Variants in RBFOX1 observed in about 807,000 individuals in gnomAD.
The protein encoded by RBFOX1 is RNA binding fox-1 homolog 1.
In RBFOX1, 8 loss-of-function variants were observed where a neutral mutation model predicts 57.7. That is an observed-to-expected ratio of 0.14 (90% CI 0.08 to 0.25). The LOEUF is 0.25. RBFOX1 is among the 10% of genes least tolerant of loss of function. RBFOX1 has a pLI of 1.00. For missense variants in RBFOX1, 611 were observed against 548.5 expected (o/e 1.11, Z -1.14); for synonymous variants, 326 against 222.4 (o/e 1.47, Z -4.15).
At chr16:6,018,824 C>T (rs535957114), upstream of RBFOX1, among the ~76,000 whole-genome samples, 1 of 152,128 alleles carries the variant, frequency 6.6e-6, no homozygotes, top group Admixed American at 6.5e-5. Context: ...ACTACCAGGA[C>T]GAGGACGGGC....
chr16:5,979,634 C>G lies in RBFOX1; in HGVS notation c.351+112299C>G, dbSNP rs141365040. Among the ~76,000 whole-genome samples the G allele has an allele frequency of 2.7e-4, 41 of 152,228 alleles. 1 individual carries two copies. Among genetic ancestry groups the G allele is most frequent in the African/African-American group, 9.1e-4 (38 of 41,544 alleles). On this transcript the variant is annotated intron_variant, in intron 4 of 19. Coordinates refer to the RBFOX1 transcript ENST00000641259. ...ATCTCAGCACTTTGGGAGTACGACGCAGATGGATCACGAAGTCAAGAGATC... is the reference window on the plus strand; with the variant it reads ...ATCTCAGCACTTTGGGAGTACGACGGAGATGGATCACGAAGTCAAGAGATC...
chr16:5,929,051 A>C (rs1597829404), intron 4 of RBFOX1, among the ~76,000 whole-genome samples: 1 of 150,608 alleles, frequency 6.6e-6, no homozygotes. Context: ...AAAAAAAAAA[A>C]GGAAAGAAAA....
rs946958680 is a variant in RBFOX1, at chr16:6,540,920, T to C, written c.-63-113683T>C. Among the ~76,000 whole-genome samples, 7 of 152,252 alleles carry C rather than the reference T, an allele frequency of 4.6e-5. No individual in the cohort carries two copies. In the East Asian group the frequency reaches 9.7e-4, roughly 21 times the overall value. On this transcript the variant is annotated intron_variant, in intron 2 of 15. Transcript: ENST00000550418. ...ATGTCGTTTCTCTGACTTCTTGGAG[T>C]TGAGGTCTGGGATTATCTGCTATCA...
At chr16:6,785,048 A>T (rs2081697560) in intron 3 of RBFOX1, among the ~76,000 whole-genome samples, 2 of 152,170 alleles carry the variant, frequency 1.3e-5, no homozygotes, top group Admixed American at 1.3e-4. Flanking sequence ...TAGGCATTTA[A>T]CATAAAAGAG....
At chr16:7,068,917 G>C (rs1451537921) in intron 4 of RBFOX1, among the ~76,000 whole-genome samples, 1 of 152,172 alleles carries the variant, frequency 6.6e-6, no homozygotes, top group Non-Finnish European at 1.5e-5. Flanking sequence ...TGATAGTTCT[G>C]TTGATTTCTA....
chr16:7,058,919 C>A (rs963144439), intron 4 of RBFOX1, among the ~76,000 whole-genome samples: 1 of 152,096 alleles, frequency 6.6e-6, no homozygotes, highest in Non-Finnish European at 1.5e-5. Flanking sequence ...GATTGTGATA[C>A]TGGAATGCAA....
intron 1 of RBFOX1, among the ~76,000 whole-genome samples, chr16:5,335,686 G>A (rs913321248): frequency 6.6e-6 from 1 of 152,086 alleles, no homozygotes; most frequent in African/African-American, 2.4e-5. Flanking sequence ...TGTGGGGGTG[G>A]GAAGGATTTC....
chr16:6,872,140 C>A (rs1410664573), intron 3 of RBFOX1, among the ~76,000 whole-genome samples: 2 of 152,100 alleles, frequency 1.3e-5, no homozygotes, highest in African/African-American at 4.8e-5. Flanking sequence ...GCTTTCTTTT[C>A]CACCAAATGG....
chr16:6,651,196 C>G (rs1002816119), intron 2 of RBFOX1, among the ~76,000 whole-genome samples: 27 of 152,116 alleles, frequency 1.8e-4, no homozygotes, highest in Admixed American at 1.2e-3. Flanking sequence ...GCCACCACAC[C>G]CGGCCTGGAA....
chr16:6,843,414 C>A, intron 3 of RBFOX1, among the ~76,000 whole-genome samples: 1 of 152,084 alleles, frequency 6.6e-6, no homozygotes, highest in Non-Finnish European at 1.5e-5. Flanking sequence ...TTTGGCCAGA[C>A]ATGGTGGCTT....
chr16:7,382,391 T>C (rs60207761), intron 4 of RBFOX1, among the ~76,000 whole-genome samples: 2,307 of 152,374 alleles, frequency 0.015, 61 homozygotes, highest in African/African-American at 0.053. Context: ...ATATTTTTCA[T>C]ATCTTTTCTA....
chr16:5,287,718 C>T (rs568884152), intron 1 of RBFOX1, among the ~76,000 whole-genome samples: 12 of 152,200 alleles, frequency 7.9e-5, no homozygotes, highest in South Asian at 6.2e-4. Flanking sequence ...CAGGAGTGAG[C>T]GAGCACAAAT....
chr16:7,709,600 C>G (rs766218338), intron 15 of RBFOX1: 1 of 1,531,226 alleles, frequency 6.5e-7, no homozygotes, highest in Non-Finnish European at 8.7e-7. Flanking sequence ...TCCCCTATTA[C>G]AATTCATGTT....
intron 3 of RBFOX1, among the ~76,000 whole-genome samples, chr16:5,848,353 T>C (rs1399653756): frequency 6.6e-6 from 1 of 152,120 alleles, no homozygotes; most frequent in African/African-American, 2.4e-5. Flanking sequence ...TGGCTCTGGA[T>C]CTCTGGTCTC....
At chr16:5,738,046 C>G (rs1165729278) in intron 3 of RBFOX1, among the ~76,000 whole-genome samples, 1 of 151,496 alleles carries the variant, frequency 6.6e-6, no homozygotes, top group Admixed American at 6.6e-5. Flanking sequence ...TGATGTTCCC[C>G]TTCCCTGTGT....
chr16:6,767,050 G>A (rs1489077618), intron 3 of RBFOX1, among the ~76,000 whole-genome samples: 1 of 152,096 alleles, frequency 6.6e-6, no homozygotes, highest in African/African-American at 2.4e-5. Flanking sequence ...AATAATCATT[G>A]TTTTCATCTA....
intron 3 of RBFOX1, among the ~76,000 whole-genome samples, chr16:6,944,595 G>C (rs1040669294): frequency 1.3e-5 from 2 of 152,022 alleles, no homozygotes; most frequent in African/African-American, 4.8e-5. Context: ...GGGTCTCGTA[G>C]ATCTCAGGTG....
At chr16:6,800,202 C>A (rs974904465) in intron 3 of RBFOX1, among the ~76,000 whole-genome samples, 1 of 145,884 alleles carries the variant, frequency 6.9e-6, no homozygotes, top group Non-Finnish European at 1.5e-5. Context: ...ACAAGTCTTG[C>A]TGTTTTCCTG....
chr16:5,691,547 A>G (rs1444300271), intron 3 of RBFOX1, among the ~76,000 whole-genome samples: 3 of 152,238 alleles, frequency 2.0e-5, no homozygotes, highest in African/African-American at 7.2e-5. Context: ...GCCTAGGACT[A>G]GAAGTTTTCA....
Sources: allele counts gnomAD v4.1 joint callset (sites outside exome capture counted in the v4.1 genomes callset), GRCh38; gene constraint gnomAD v4.1.1; transcripts MANE v1.5; gene names NCBI Gene and HGNC (gene_info 2026-07-23, HGNC 2026-07-21).